NOVA1: variants seen among roughly 807,000 people sequenced by gnomAD.
NOVA1 encodes the protein RNA-binding protein Nova-1.
Under a neutral mutation model 38.0 loss-of-function variants are expected in NOVA1, and 7 were observed. The observed-to-expected ratio is 0.18, with a 90% CI of 0.10 to 0.35. The LOEUF is 0.35. Ranked by LOEUF, NOVA1 falls within the 10% of genes least tolerant of loss-of-function variation. NOVA1 has a pLI of 1.00. For missense variants in NOVA1, 460 were observed against 616.0 expected (o/e 0.75, Z 2.68); for synonymous variants, 270 against 232.5 (o/e 1.16, Z -1.47).
chr14:26,508,073 G>A (rs1377297955), intron 2 of NOVA1, among the ~76,000 whole-genome samples: 1 of 151,926 alleles, frequency 6.6e-6, no homozygotes, highest in Non-Finnish European at 1.5e-5. Flanking sequence ...TGAGAGTTCT[G>A]CACTTTTTGA....
chr14:26,540,693 T>A (rs992068494), intron 2 of NOVA1, among the ~76,000 whole-genome samples: 6 of 152,188 alleles, frequency 3.9e-5, no homozygotes, highest in Non-Finnish European at 1.5e-5. Flanking sequence ...TATCATCAAG[T>A]TGGAATAATG....
chr14:26,521,793 G>T (rs139875925), intron 2 of NOVA1, among the ~76,000 whole-genome samples: 28 of 152,070 alleles, frequency 1.8e-4, no homozygotes, highest in Admixed American at 1.1e-3. Flanking sequence ...AGGCCAAGAG[G>T]TTAAATCAAG....
At chr14:26,550,178 A>G (rs940029212) in intron 2 of NOVA1, among the ~76,000 whole-genome samples, 1 of 152,214 alleles carries the variant, frequency 6.6e-6, no homozygotes, top group Non-Finnish European at 1.5e-5. Flanking sequence ...GCAAACATAT[A>G]CAACAAGATT....
chr14:26,558,814 A>G (rs998617890), intron 2 of NOVA1, among the ~76,000 whole-genome samples: 18 of 152,278 alleles, frequency 1.2e-4, no homozygotes, highest in African/African-American at 4.1e-4. Flanking sequence ...ATAAGGTTAT[A>G]TTTTTAAAAA....
In NOVA1 at chr14:26,448,536, G is replaced by C; in HGVS notation, c.947C>G (p.Thr316Ser). ...GCTGGCTAATGTATTAAGTGCAGAG[G>C]TGATGGCCACCAGGTCATTGCCTGT... Reference protein sequence around the residue: ...GFTGNDLVAITSALNTLASYG... With the variant: ...GFTGNDLVAISSALNTLASYG... Residue 316 changes from threonine (T) to serine (S), a missense_variant, in exon 5 of 5, where the codon ACC (threonine) becomes AGC (serine). Thr to Ser is a moderately conservative substitution (Grantham distance 58). Coordinates refer to ENST00000539517, the MANE Select transcript of NOVA1 (RefSeq NM_002515.3). The surrounding 1 kb of genome is among the most constrained non-coding windows in gnomAD (Gnocchi z 5.3). The C allele has an allele frequency of 6.2e-7, 1 of 1,614,192 alleles. No individual in the cohort carries two copies. Among genetic ancestry groups the C allele is most frequent in the Non-Finnish European group, 8.5e-7 (1 of 1,180,034 alleles).
chr14:26,575,158 A>G (rs1372784819), intron 2 of NOVA1, among the ~76,000 whole-genome samples: 4 of 152,210 alleles, frequency 2.6e-5, no homozygotes, highest in Non-Finnish European at 5.9e-5. Flanking sequence ...AAGATAAATA[A>G]AAGTTCAAAT....
intron 2 of NOVA1, among the ~76,000 whole-genome samples, chr14:26,484,448 A>G (rs912654244): frequency 1.3e-5 from 2 of 151,276 alleles, no homozygotes; most frequent in Non-Finnish European, 2.9e-5. Flanking sequence ...AAAAAAAAAA[A>G]AAAAAAAAAA....
chr14:26,547,358 G>T (rs879168468), intron 2 of NOVA1, among the ~76,000 whole-genome samples: 1 of 151,856 alleles, frequency 6.6e-6, no homozygotes, highest in African/African-American at 2.4e-5. Flanking sequence ...CTGAAACACC[G>T]ACAGTTTATT....
In NOVA1 at chr14:26,569,411, T is replaced by C. The variant is rs942050116; in HGVS notation, c.280+25999A>G. On this transcript the variant is annotated intron_variant, in intron 2 of 4. Transcript: ENST00000539517. ...ATTTTGATTAAATAGGAGCAGCAAA[T>C]TTGAATTATTTAAAAATCTGATTTA... 7.2e-5 allele frequency among the ~76,000 whole-genome samples: 11 copies of C among 152,316 alleles called. No individual in the cohort carries two copies. In the East Asian group the frequency reaches 1.9e-3, roughly 27 times the overall value.
Position 26,597,513 on chromosome 14 carries a change from T to TTC in NOVA1, c.-78_-77insGA, listed in dbSNP as rs1894282393. ...GCTTTTTCTTTTCTTTTTTCTTTTT[T>TTC]TTTTTTTTTTTTTTTTGCGTTTGGG... is the stretch of plus-strand genomic sequence containing the variant. On this transcript the variant is annotated 5_prime_UTR_variant, in exon 1 of 5. Coordinates refer to ENST00000539517, the MANE Select transcript of NOVA1 (RefSeq NM_002515.3). 2 of 1,144,250 alleles carry TTC rather than the reference T, an allele frequency of 1.7e-6. No homozygotes were observed. The highest frequency in any genetic ancestry group is 3.9e-5 in the East Asian group (1 of 25,522). 70.9% of individuals were successfully genotyped at this position (1,144,250 alleles called of 1,614,324 possible).
At chr14:26,565,933 T>C (rs1420774054) in intron 2 of NOVA1, among the ~76,000 whole-genome samples, 2 of 152,128 alleles carry the variant, frequency 1.3e-5, no homozygotes, top group African/African-American at 2.4e-5. Flanking sequence ...TCTATGTTTG[T>C]TTTAAGGGTA....
intron 2 of NOVA1, among the ~76,000 whole-genome samples, chr14:26,576,783 T>A (rs1892874375): frequency 6.6e-6 from 1 of 151,932 alleles, no homozygotes; most frequent in Non-Finnish European, 1.5e-5. Context: ...TAAAACATGA[T>A]GTTTTGATAC....
chr14:26,518,782 G>A (rs1264771787), intron 2 of NOVA1, among the ~76,000 whole-genome samples: 2 of 152,056 alleles, frequency 1.3e-5, no homozygotes, highest in Non-Finnish European at 2.9e-5. Context: ...TAGATTCAGG[G>A]GGTACATATG....
rs1491107536 is a variant in NOVA1 at position 26,578,354 on chromosome 14, ACT to A, written c.280+17054_280+17055del. ...CAGGAAGTGGGATAAAAAGAAACAC[ACT>A]TTTTTTTTTTAAGTGGGAGAAAGAA... On this transcript the variant is annotated intron_variant, in intron 2 of 4. Transcript: ENST00000539517. 4.1e-3 allele frequency among the ~76,000 whole-genome samples: 531 copies of A among 127,992 alleles called. 5 individuals are homozygous for A. Among genetic ancestry groups the A allele is most frequent in the East Asian group, 0.016 (67 of 4,270 alleles). The allele number at this position is 127,992 out of a possible 152,430, so 84.0% of individuals were successfully genotyped here. A position where few individuals can be genotyped will look rare whatever the true frequency, so the allele number is the denominator to read the frequency against.
At chr14:26,567,177 A>G (rs1892183768) in intron 2 of NOVA1, among the ~76,000 whole-genome samples, 1 of 152,164 alleles carries the variant, frequency 6.6e-6, no homozygotes, top group African/African-American at 2.4e-5. Flanking sequence ...TAAATCCTAT[A>G]AAAATAATGT....
chr14:26,567,511 G>A (rs1566544234), intron 2 of NOVA1, among the ~76,000 whole-genome samples: 1 of 151,780 alleles, frequency 6.6e-6, no homozygotes, highest in Non-Finnish European at 1.5e-5. Context: ...ACCCAGGCTG[G>A]TCTCGAACTC....
intron 2 of NOVA1, among the ~76,000 whole-genome samples, chr14:26,592,320 T>C (rs1893901553): frequency 1.3e-5 from 2 of 151,472 alleles, no homozygotes; most frequent in African/African-American, 4.8e-5. Context: ...AAAGCTGTTT[T>C]TTACTACAAG....
rs371494101 is a variant in NOVA1 at position 26,592,395 on chromosome 14, T to C, written c.280+3015A>G. On this transcript the variant is annotated intron_variant, in intron 2 of 4. Transcript: ENST00000539517. ...AAATCAAATTGGCTTGCTCTAATCA[T>C]GTAAGAAAAAAAAAAAGGTATATTC... Among the ~76,000 whole-genome samples the C allele has an allele frequency of 3.2e-4, 48 of 149,720 alleles. 2 individuals are homozygous for C. The East Asian group carries it at 4.9e-3, about 15-fold the overall frequency.
intron 4 of NOVA1, among the ~76,000 whole-genome samples, chr14:26,461,140 C>G (rs1174142045): frequency 2.0e-5 from 3 of 152,112 alleles, no homozygotes; most frequent in African/African-American, 7.2e-5. Context: ...TCTTGCAAAT[C>G]TACCTAGTAT....
Sources: allele counts gnomAD v4.1 joint callset (sites outside exome capture counted in the v4.1 genomes callset), GRCh38; gene constraint gnomAD v4.1.1; non-coding constraint Gnocchi (gnomAD v3.1); transcripts MANE v1.5; gene names NCBI Gene and HGNC (gene_info 2026-07-23, HGNC 2026-07-21).